ALPK1: variants seen among roughly 807,000 people sequenced by gnomAD.
ALPK1 encodes alpha kinase 1.
In ALPK1, 110 loss-of-function variants were observed where a neutral mutation model predicts 120.6. The observed-to-expected ratio is 0.91, with a 90% CI of 0.78 to 1.07. ALPK1 has a LOEUF of 1.07. ALPK1 is among the 50% of genes least tolerant of loss of function. The pLI is 0.00. For synonymous variants in ALPK1, 582 were observed against 560.3 expected, an observed-to-expected ratio of 1.04 and a Z score of -0.55; for missense variants, 1,498 against 1,483.9, an observed-to-expected ratio of 1.01 and a Z score of -0.16.
At chr4:112,388,489 C>T (rs1732250829) in intron 4 of ALPK1, among the ~76,000 whole-genome samples, 1 of 152,076 alleles carries the variant, frequency 6.6e-6, no homozygotes, top group South Asian at 2.1e-4. Context: ...ACATTTATTC[C>T]AGGTGCCGGT....
chr4:112,310,140 A>G (rs184803995), intron 1 of ALPK1, among the ~76,000 whole-genome samples: 26 of 152,006 alleles, frequency 1.7e-4, no homozygotes, highest in African/African-American at 5.8e-4. Flanking sequence ...GTCCTGCTCA[A>G]TTTTTTTTCT....
intron 4 of ALPK1, among the ~76,000 whole-genome samples, chr4:112,403,120 T>G (rs1732996586): frequency 6.6e-6 from 1 of 152,178 alleles, no homozygotes; most frequent in Non-Finnish European, 1.5e-5. Context: ...CATTTTGCCA[T>G]GTAGGGAAAC....
chr4:112,401,437 T>C (rs1276125960), intron 4 of ALPK1, among the ~76,000 whole-genome samples: 1 of 152,166 alleles, frequency 6.6e-6, no homozygotes, highest in African/African-American at 2.4e-5. Context: ...ATGCTTAAAT[T>C]GAGATTCTTA....
intron 2 of ALPK1, among the ~76,000 whole-genome samples, chr4:112,362,806 G>A (rs1359293600): frequency 7.2e-5 from 11 of 152,170 alleles, no homozygotes; most frequent in East Asian, 5.8e-4. Flanking sequence ...AAGCCAAGAC[G>A]AAGGAAAGAA....
rs556188949 is a variant in ALPK1, at chr4:112,438,454, T to C, written c.3189-30T>C. The C allele has an allele frequency of 1.9e-6, 3 of 1,606,480 alleles. No individual in the cohort carries two copies. The African/African-American group carries it at 4.0e-5, about 22-fold the overall frequency. On this transcript the variant is annotated intron_variant, in intron 12 of 15. Coordinates refer to ENST00000650871, the MANE Select transcript of ALPK1 (RefSeq NM_025144.4). The stretch of plus-strand genomic sequence containing the variant: ...CATAGTAAGTAAGACCACTTTTGCA[T>C]TTTGTTGTGTGGATTTTCTTTGTTC...
At chr4:112,373,947 C>A (rs1731533479) in intron 2 of ALPK1, among the ~76,000 whole-genome samples, 1 of 152,198 alleles carries the variant, frequency 6.6e-6, no homozygotes, top group African/African-American at 2.4e-5. Context: ...GGTAGAGGGT[C>A]TTGCTTCAAT....
At chr4:112,341,331 G>A (rs1729853830) in intron 2 of ALPK1, among the ~76,000 whole-genome samples, 1 of 152,210 alleles carries the variant, frequency 6.6e-6, no homozygotes, top group Non-Finnish European at 1.5e-5. Context: ...CTGCTCGTTA[G>A]GCCTTGCCTT....
chr4:112,413,112 T>C (rs967518399), intron 5 of ALPK1, among the ~76,000 whole-genome samples: 1 of 152,246 alleles, frequency 6.6e-6, no homozygotes, highest in Non-Finnish European at 1.5e-5. Context: ...AAAATGTTCC[T>C]GATGTAATTT....
intron 6 of ALPK1, 43 bp downstream of exon 6, chr4:112,424,046 C>G (rs753884499): frequency 1.3e-6 from 2 of 1,564,498 alleles, no homozygotes; most frequent in Non-Finnish European, 8.8e-7. Context: ...ACCTCAGCCC[C>G]GAACAGAGCA....
intron 4 of ALPK1, among the ~76,000 whole-genome samples, chr4:112,400,384 C>G (rs1732854408): frequency 6.6e-6 from 1 of 152,166 alleles, no homozygotes; most frequent in African/African-American, 2.4e-5. Context: ...AGGACCATCT[C>G]TTCTCATTGA....
chr4:112,389,163 G>A (rs928003023), intron 4 of ALPK1, among the ~76,000 whole-genome samples: 1 of 151,560 alleles, frequency 6.6e-6, no homozygotes, highest in Admixed American at 6.6e-5. Flanking sequence ...TCCTGCCTCA[G>A]CCTCCTGAGT....
At chr4:112,403,233 G>T (rs1385706616) in intron 4 of ALPK1, among the ~76,000 whole-genome samples, 1 of 150,316 alleles carries the variant, frequency 6.7e-6, no homozygotes, top group South Asian at 2.1e-4. Flanking sequence ...ATTTTGGGAA[G>T]ATTCCCAGGA....
intron 5 of ALPK1, among the ~76,000 whole-genome samples, chr4:112,418,590 G>A (rs1469175144): frequency 6.6e-6 from 1 of 152,152 alleles, no homozygotes; most frequent in East Asian, 1.9e-4. Context: ...AGGATGAGAA[G>A]CACCCTTCCC....
intron 3 of ALPK1, among the ~76,000 whole-genome samples, 199 bp from the exon 4 acceptor site, chr4:112,382,199 C>A (rs142267373): frequency 3.9e-4 from 59 of 152,246 alleles, no homozygotes; most frequent in African/African-American, 1.4e-3. Context: ...CGGCCAGGGC[C>A]ACCCCTGACA....
intron 4 of ALPK1, among the ~76,000 whole-genome samples, chr4:112,394,227 G>A (rs1732553214): frequency 2.0e-5 from 3 of 152,204 alleles, no homozygotes; most frequent in Admixed American, 2.0e-4. Flanking sequence ...GGCTGGGGCA[G>A]CTTTGCCCTT....
intron 2 of ALPK1, among the ~76,000 whole-genome samples, chr4:112,355,374 G>A (rs1317336702): frequency 6.6e-6 from 1 of 152,190 alleles, no homozygotes; most frequent in Non-Finnish European, 1.5e-5. Context: ...GGGCCAGTGG[G>A]GGAGACAGCG....
chr4:112,436,531 G>A (rs1197088827), intron 12 of ALPK1, among the ~76,000 whole-genome samples: 2 of 152,186 alleles, frequency 1.3e-5, no homozygotes, highest in Non-Finnish European at 2.9e-5. Context: ...GTGGGCCCCT[G>A]ATCCAATATG....
At chr4:112,356,012 T>C (rs6826812) in intron 2 of ALPK1, 559,507 of 665,376 alleles carry the variant, frequency 0.84, 235,606 homozygotes, top group East Asian at 0.89. Flanking sequence ...TGTCCCAGTG[T>C]GCATGCTCGC....
At chr4:112,352,838 A>G (rs1207023223) in intron 2 of ALPK1, 1 of 151,836 alleles carries the variant, frequency 6.6e-6, no homozygotes, top group African/African-American at 2.4e-5. Flanking sequence ...TAAGTTATTC[A>G]TTTGTTTATT....
Sources: allele counts gnomAD v4.1 joint callset (sites outside exome capture counted in the v4.1 genomes callset), GRCh38; gene constraint gnomAD v4.1.1; transcripts MANE v1.5; gene names NCBI Gene and HGNC (gene_info 2026-07-23, HGNC 2026-07-21).